TXK: variants seen among roughly 807,000 people sequenced by gnomAD.
The protein encoded by TXK is tyrosine-protein kinase TXK.
In TXK, 60 loss-of-function variants were observed where a neutral mutation model predicts 81.0. That is an observed-to-expected ratio of 0.74 (90% confidence interval 0.60 to 0.92). The LOEUF is 0.92. Ranked by LOEUF, TXK falls within the 40% of genes least tolerant of loss-of-function variation. The pLI, the probability that TXK is intolerant of heterozygous loss-of-function variation, is 0.00. For missense variants in TXK, 581 were observed against 638.3 expected, an observed-to-expected ratio of 0.91 and a Z score of 0.97; for synonymous variants, 203 against 210.7, an observed-to-expected ratio of 0.96 and a Z score of 0.32.
chr4:48,110,404 CA>C, intron 5 of TXK, 133 bp downstream of exon 5: 1 of 648,456 alleles, frequency 1.5e-6, no homozygotes, highest in South Asian at 1.8e-5. Context: ...TGATAAGGAT[CA>C]AACGTCTCTT....
intron 8 of TXK, among the ~76,000 whole-genome samples, chr4:48,091,746 C>G (rs1479827605): frequency 6.6e-6 from 1 of 152,100 alleles, no homozygotes. Context: ...CTCAGGTGAT[C>G]CACCCACCTT....
Position 48,074,030 on chromosome 4 carries a change from A to T in TXK, c.1262T>A (p.Val421Asp), listed in dbSNP as rs771896577. ...MTRYVLDDEY[V>D]SSFGAKFPIK... ...TGGGAACTTGGCTCCAAAAGAACTG[A>T]CATACTCATCATCCAAAACGTACCT... Residue 421 changes from valine to aspartate, a missense_variant, in exon 13 of 15, where the codon GTC becomes GAC. By Grantham distance (152) the Val-to-Asp change is radical (BLOSUM62 -3). Transcript: ENST00000264316. 6.2e-7 allele frequency: 1 copy of T among 1,613,868 alleles called. No homozygotes were observed.
rs34199613 is a variant in TXK, at chr4:48,112,489, C to A, written c.198G>T (p.Pro66=). The A allele has an allele frequency of 6.2e-7, 1 of 1,613,864 alleles. No individual in the cohort carries two copies. Among genetic ancestry groups the A allele is most frequent in the African/African-American group, 1.3e-5 (1 of 74,980 alleles). ...KKQSNTGRVQ[P]SKRKPLPPLP... is the part of the protein sequence containing the mutation. ...GGGGAGGCAGTGGCTTTCGTTTTGA[C>A]GGCTGCACACGGCCCGTGTTGGACT... The change falls in exon 4 of 15, where the codon CCG becomes CCT. Residue 66 remains proline, a synonymous_variant. Coordinates refer to ENST00000264316, the MANE Select transcript of TXK (RefSeq NM_003328.3).
At chr4:48,127,018 T>C (rs894240806) in intron 1 of TXK, among the ~76,000 whole-genome samples, 4 of 152,188 alleles carry the variant, frequency 2.6e-5, no homozygotes, top group African/African-American at 9.7e-5. Context: ...GCAAAGACAA[T>C]GGCCTTTAAA....
intron 1 of TXK, among the ~76,000 whole-genome samples, chr4:48,123,729 A>G (rs187872699): frequency 3.9e-4 from 59 of 152,290 alleles, no homozygotes; most frequent in Non-Finnish European, 6.9e-4. Flanking sequence ...CTGAATCTAG[A>G]GTCTCTGCTC....
At position 48,086,511 on chromosome 4, in the gene TXK, C is replaced by A. The variant is rs776919019; in HGVS notation, c.911G>T (p.Gly304Val). Residue 304 changes from glycine (G) to valine (V), a missense_variant, in exon 10 of 15, where the codon GGC becomes GTC. Coordinates refer to ENST00000264316, the MANE Select transcript of TXK (RefSeq NM_003328.3). ...IQVAIKAINE[G>V]SMSEEDFIEE... is the part of the protein sequence containing the mutation. Reference sequence around the variant, plus strand: ...AATGAAATCCTCTTCAGACATGGAGCCTTCATTGATGGCCTTGATAGCTAC... The same window carrying A: ...AATGAAATCCTCTTCAGACATGGAGACTTCATTGATGGCCTTGATAGCTAC... The A allele has an allele frequency of 6.2e-7, 1 of 1,614,038 alleles. No homozygotes were observed. Among genetic ancestry groups the A allele is most frequent in the Non-Finnish European group, 8.5e-7 (1 of 1,179,972 alleles).
intron 5 of TXK, among the ~76,000 whole-genome samples, chr4:48,106,886 G>A (rs1169140508): frequency 2.0e-5 from 3 of 151,920 alleles, no homozygotes; most frequent in Admixed American, 6.6e-5. Context: ...CTTGTTATCC[G>A]AAGTTGAAGA....
chr4:48,109,063 T>C (rs1026311281), intron 5 of TXK, among the ~76,000 whole-genome samples: 7 of 152,174 alleles, frequency 4.6e-5, no homozygotes, highest in African/African-American at 1.7e-4. Context: ...TATCTGTAAA[T>C]ACATACAAAA....
intron 1 of TXK, among the ~76,000 whole-genome samples, chr4:48,127,669 T>A (rs1719125641): frequency 6.6e-6 from 1 of 152,258 alleles, no homozygotes; most frequent in Non-Finnish European, 1.5e-5. Context: ...TGCGCTGTTC[T>A]TTTCATCTAC....
At chr4:48,078,735 T>C (rs1717167336) in intron 11 of TXK, among the ~76,000 whole-genome samples, 1 of 152,246 alleles carries the variant, frequency 6.6e-6, no homozygotes, top group Non-Finnish European at 1.5e-5. Flanking sequence ...AGTAGTGCTC[T>C]TGAAATCCTG....
At chr4:48,091,034 G>A (rs1283792694) in intron 8 of TXK, among the ~76,000 whole-genome samples, 1 of 152,246 alleles carries the variant, frequency 6.6e-6, no homozygotes, top group East Asian at 1.9e-4. Flanking sequence ...ATTCCAAGAT[G>A]AGTAAGATGA....
intron 14 of TXK, among the ~76,000 whole-genome samples, chr4:48,068,815 T>TGA (rs796812187): frequency 6.6e-6 from 1 of 152,152 alleles, no homozygotes; most frequent in African/African-American, 2.4e-5. Flanking sequence ...CCCCTCTTCA[T>TGA]GGCTTATAAA....
intron 6 of TXK, among the ~76,000 whole-genome samples, chr4:48,101,008 T>A (rs529531669): frequency 6.6e-6 from 1 of 152,082 alleles, no homozygotes; most frequent in African/African-American, 2.4e-5. Flanking sequence ...TGTGTATGTA[T>A]TAAATATCTT....
Position 48,110,564 on chromosome 4 carries a change from G to T in TXK, c.420C>A (p.Asn140Lys). 1 of 1,611,356 alleles carries T rather than the reference G, an allele frequency of 6.2e-7. No homozygotes were observed. Among genetic ancestry groups the T allele is most frequent in the Non-Finnish European group, 8.5e-7 (1 of 1,178,378 alleles). Residue 140 changes from asparagine to lysine, a missense_variant, in exon 5 of 15, where the codon AAC becomes AAA. Coordinates refer to ENST00000264316, the MANE Select transcript of TXK (RefSeq NM_003328.3). The part of the protein sequence containing the change: ...GLIPSNYVTE[N>K]KITNLEIYEW... Reference sequence around the variant, plus strand: ...CATATATTTCTAAATTAGTTATTTTGTTTTCAGTCACATAGTTGCTTGGGA... The same window carrying T: ...CATATATTTCTAAATTAGTTATTTTTTTTTCAGTCACATAGTTGCTTGGGA...
chr4:48,068,316 C>T (rs1259633282), intron 14 of TXK, among the ~76,000 whole-genome samples: 4 of 152,182 alleles, frequency 2.6e-5, no homozygotes, highest in Admixed American at 2.6e-4. Flanking sequence ...GAAGGGGCAT[C>T]TAGCATACCA....
rs202095994 is a variant in TXK at position 48,112,504 on chromosome 4, C to G, written c.183G>C (p.Thr61=). ...SQLSNKKQSN[T]GRVQPSKRKP... is the part of the protein sequence containing the mutation. ...TTCGTTTTGACGGCTGCACACGGCC[C>G]GTGTTGGACTGTGAAAACCAATAAG... is the stretch of plus-strand genomic sequence containing the variant. The change falls in exon 4 of 15, where the codon ACG becomes ACC. Residue 61 remains threonine (T), a synonymous_variant. Transcript: ENST00000264316. The G allele has an allele frequency of 3.7e-5, 59 of 1,609,296 alleles. No homozygotes were observed. The African/African-American group carries it at 7.0e-4, about 19-fold the overall frequency.
chr4:48,117,741 C>T (rs537288279), intron 1 of TXK, among the ~76,000 whole-genome samples: 40 of 152,304 alleles, frequency 2.6e-4, no homozygotes, highest in African/African-American at 9.1e-4. Context: ...AAAACAAAAG[C>T]ATATTTGCTG....
At chr4:48,077,008 T>C (rs1192119137) in intron 11 of TXK, among the ~76,000 whole-genome samples, 1 of 152,188 alleles carries the variant, frequency 6.6e-6, no homozygotes, top group Non-Finnish European at 1.5e-5. Context: ...TTTTAACATC[T>C]TTATAGGAAA....
At chr4:48,083,927 G>GAGGT (rs945724983) in intron 10 of TXK, among the ~76,000 whole-genome samples, 1 of 152,204 alleles carries the variant, frequency 6.6e-6, no homozygotes, top group Non-Finnish European at 1.5e-5. Flanking sequence ...CCTCCTGAAA[G>GAGGT]AGGTAATATT....
Sources: gnomAD v4.1 joint callset for allele counts (sites outside exome capture counted in the v4.1 genomes callset) on GRCh38, gnomAD v4.1.1 for gene constraint, MANE v1.5 for transcripts, NCBI Gene and HGNC (gene_info 2026-07-23, HGNC 2026-07-21) for gene names.